Variants in ADAMTSL1 observed in about 807,000 individuals in gnomAD.
ADAMTSL1 encodes ADAMTS like 1.
A neutral mutation model predicts 201.8 loss-of-function variants in ADAMTSL1; 126 were observed. The observed-to-expected ratio is 0.62, with a 90% CI of 0.54 to 0.72. The LOEUF is 0.72. Ranked by LOEUF, ADAMTSL1 falls within the 30% of genes least tolerant of loss-of-function variation. The pLI, the probability that ADAMTSL1 is intolerant of heterozygous loss-of-function variation, is 0.00. For missense variants in ADAMTSL1, 2,679 were observed against 2,277.8 expected (o/e 1.18, Z -3.59); for synonymous variants, 1,121 against 903.4 (o/e 1.24, Z -4.32).
At chr9:18,891,569 C>G (rs553385463) in intron 25 of ADAMTSL1, among the ~76,000 whole-genome samples, 1 of 152,346 alleles carries the variant, frequency 6.6e-6, no homozygotes, top group South Asian at 2.1e-4. Context: ...CGGTCACAGT[C>G]TCACTTTTGG....
chr9:17,933,968 T>C (rs1328707008), intron 1 of ADAMTSL1, among the ~76,000 whole-genome samples: 1 of 152,188 alleles, frequency 6.6e-6, no homozygotes, highest in Non-Finnish European at 1.5e-5. Context: ...AAATCACTTC[T>C]GTTTTAATAT....
chr9:18,584,997 G>C (rs967286991), intron 4 of ADAMTSL1, among the ~76,000 whole-genome samples: 2 of 152,144 alleles, frequency 1.3e-5, no homozygotes, highest in African/African-American at 4.8e-5. Context: ...TCTATCAACT[G>C]TCTCTTCGAT....
At chr9:18,306,349 G>A (rs540313968) in intron 2 of ADAMTSL1, among the ~76,000 whole-genome samples, 43 of 152,262 alleles carry the variant, frequency 2.8e-4, no homozygotes, top group African/African-American at 9.9e-4. Context: ...TGAGTTTGAC[G>A]AATTGACAGA....
At chr9:18,031,390 T>G (rs1293885550) in intron 1 of ADAMTSL1, among the ~76,000 whole-genome samples, 1 of 152,150 alleles carries the variant, frequency 6.6e-6, no homozygotes, top group Non-Finnish European at 1.5e-5. Context: ...TGGCTTTTTT[T>G]CTGGCTGCTT....
At chr9:17,967,365 C>G (rs1818016141) in intron 1 of ADAMTSL1, among the ~76,000 whole-genome samples, 2 of 151,978 alleles carry the variant, frequency 1.3e-5, no homozygotes, top group Non-Finnish European at 2.9e-5. Context: ...TTCAATTTGC[C>G]ATGATTACTA....
intron 2 of ADAMTSL1, among the ~76,000 whole-genome samples, chr9:18,520,635 A>G (rs1818634230): frequency 6.6e-6 from 1 of 152,198 alleles, no homozygotes; most frequent in Admixed American, 6.5e-5. Context: ...TGCCTCTGGC[A>G]CACTGGGATG....
chr9:18,392,295 G>T (rs115521194), intron 2 of ADAMTSL1, among the ~76,000 whole-genome samples: 123 of 152,280 alleles, frequency 8.1e-4, no homozygotes, highest in African/African-American at 2.8e-3. Flanking sequence ...AGTCACTGTT[G>T]CTTTAGTACA....
chr9:18,711,481 TGACA>T (rs1832596458), intron 14 of ADAMTSL1, among the ~76,000 whole-genome samples: 1 of 152,126 alleles, frequency 6.6e-6, no homozygotes, highest in South Asian at 2.1e-4. Context: ...AAGAAAGGGG[TGACA>T]GACGGCACCT....
At chr9:18,312,446 C>G (rs1044743028) in intron 2 of ADAMTSL1, among the ~76,000 whole-genome samples, 7 of 152,184 alleles carry the variant, frequency 4.6e-5, no homozygotes, top group African/African-American at 1.7e-4. Context: ...GCAGGAGTTA[C>G]AGGAAATGGC....
At chr9:18,569,031 C>A (rs1250641633) in intron 3 of ADAMTSL1, among the ~76,000 whole-genome samples, 1 of 152,048 alleles carries the variant, frequency 6.6e-6, no homozygotes, top group Non-Finnish European at 1.5e-5. Context: ...TTTTTCAAAG[C>A]CATTTTAAAA....
chr9:18,458,798 C>T (rs12003900), intron 2 of ADAMTSL1, among the ~76,000 whole-genome samples: 5,983 of 152,112 alleles, frequency 0.039, 369 homozygotes, highest in African/African-American at 0.14. Context: ...AAAAAGAAAA[C>T]GCCAGAGTCA....
chr9:18,312,622 A>G (rs1395151340), intron 2 of ADAMTSL1, among the ~76,000 whole-genome samples: 4 of 152,170 alleles, frequency 2.6e-5, no homozygotes, highest in African/African-American at 9.7e-5. Flanking sequence ...TCCTGGAGCA[A>G]CACAAAACTT....
chr9:18,356,593 A>G (rs1489364374), intron 2 of ADAMTSL1, among the ~76,000 whole-genome samples: 2 of 118,556 alleles, frequency 1.7e-5, no homozygotes, highest in African/African-American at 6.4e-5. Context: ...CAGCTACTCA[A>G]TACACAATAA....
At chr9:18,263,927 C>T (rs1832023781) in intron 2 of ADAMTSL1, among the ~76,000 whole-genome samples, 1 of 152,204 alleles carries the variant, frequency 6.6e-6, no homozygotes, top group Non-Finnish European at 1.5e-5. Flanking sequence ...AAAAAAATGT[C>T]TGCTGTGGAA....
chr9:18,309,937 A>G (rs878906690), intron 2 of ADAMTSL1, among the ~76,000 whole-genome samples: 3 of 152,158 alleles, frequency 2.0e-5, no homozygotes, highest in South Asian at 4.2e-4. Flanking sequence ...ACTTCAAACT[A>G]TACTACAAGG....
intron 1 of ADAMTSL1, among the ~76,000 whole-genome samples, chr9:18,079,276 A>G (rs183250314): frequency 1.4e-4 from 21 of 152,304 alleles, no homozygotes; most frequent in Non-Finnish European, 2.4e-4. Flanking sequence ...CTTTTTGAAG[A>G]TTTATATTCT....
intron 2 of ADAMTSL1, among the ~76,000 whole-genome samples, chr9:18,176,203 A>G (rs531850763): frequency 3.2e-4 from 48 of 152,138 alleles, no homozygotes; most frequent in African/African-American, 1.1e-3. Context: ...ATCATTTTAT[A>G]CATATAGATC....
chr9:17,938,712 C>T (rs1054521816), intron 1 of ADAMTSL1, among the ~76,000 whole-genome samples: 1 of 152,142 alleles, frequency 6.6e-6, no homozygotes, highest in Non-Finnish European at 1.5e-5. Flanking sequence ...CAAGATCCTT[C>T]ATTGTTTTCT....
chr9:18,327,990 G>GT (rs1677169102), intron 2 of ADAMTSL1, among the ~76,000 whole-genome samples: 1 of 152,072 alleles, frequency 6.6e-6, no homozygotes, highest in African/African-American at 2.4e-5. Flanking sequence ...ATACTCTATT[G>GT]TAAGAAAAAG....
Sources: allele counts gnomAD v4.1 joint callset (sites outside exome capture counted in the v4.1 genomes callset), GRCh38; gene constraint gnomAD v4.1.1; transcripts MANE v1.5; gene names NCBI Gene and HGNC (gene_info 2026-07-23, HGNC 2026-07-21).